The following ARHGAP23 variants were observed in gnomAD, a reference collection of about 807,000 sequenced individuals.
ARHGAP23 encodes rho GTPase-activating protein 23.
A neutral mutation model predicts 136.3 loss-of-function variants in ARHGAP23; 34 were observed. The ratio of observed to expected loss-of-function variants is 0.25; its 90% CI spans 0.19 to 0.33. ARHGAP23 has a LOEUF of 0.33. ARHGAP23 is among the 10% of genes least tolerant of loss of function. The probability of loss-of-function intolerance (pLI) is 1.00; values close to 1 mark genes in which losing one functional copy is unlikely to be tolerated. For synonymous variants in ARHGAP23, 832 were observed against 920.5 expected (o/e 0.90, Z 1.74); for missense variants, 1,808 against 2,139.0 (o/e 0.85, Z 3.05).
Position 38,478,854 on chromosome 17 carries a change from C to G in ARHGAP23, c.2437-582C>G, listed in dbSNP as rs191971607. ...ACCCACACAAAGTCATGTGGGCGTC[C>G]CAGGCCTGGGGTCTCTGCCAAGAGG... On this transcript the variant is annotated intron_variant, in intron 12 of 23. Transcript: ENST00000622683. Among the ~76,000 whole-genome samples the G allele has an allele frequency of 6.2e-4, 95 of 152,292 alleles. 2 individuals carry two copies. In the Middle Eastern group the frequency reaches 0.01, roughly 16 times the overall value.
Position 38,510,093 on chromosome 17 carries a change from G to A in ARHGAP23, c.3597G>A (p.Lys1199=), listed in dbSNP as rs1458364666. 2.3e-5 allele frequency: 29 copies of A among 1,244,164 alleles called. No homozygotes were observed. Among genetic ancestry groups the A allele is most frequent in the Admixed American group, 4.2e-5 (1 of 23,746 alleles). The allele number at this position is 1,244,164 out of a possible 1,614,324, so 77.1% of individuals were successfully genotyped here. The stretch of plus-strand genomic sequence containing the variant: ...ACGACTCGGAGCAGGAGGCGCACAA[G>A]CCTGGGGCGGGGGCCACAGCGCCGG... ...TDDDSEQEAH[K]PGAGATAPGT... is the part of the protein sequence containing the mutation. Residue 1199 remains lysine, a synonymous_variant, in exon 24 of 24, where the codon AAG becomes AAA. Coordinates refer to ENST00000622683, the MANE Select transcript of ARHGAP23 (RefSeq NM_001199417.2). The surrounding 1 kb of genome is among the most constrained non-coding windows in gnomAD (Gnocchi z 4.6).
At chr17:38,503,521 A>G (rs1249394079) in intron 23 of ARHGAP23, among the ~76,000 whole-genome samples, 1 of 151,694 alleles carries the variant, frequency 6.6e-6, no homozygotes, top group Non-Finnish European at 1.5e-5. Flanking sequence ...GCTTCTCCAC[A>G]CTCCCCGGAG....
intron 1 of ARHGAP23, among the ~76,000 whole-genome samples, chr17:38,431,229 T>A (rs1312823100): frequency 6.6e-6 from 1 of 152,240 alleles, no homozygotes; most frequent in African/African-American, 2.4e-5. Context: ...GCTTAGTTGC[T>A]TGTCTTTTGT....
chr17:38,477,536 C>G lies in ARHGAP23; in HGVS notation c.2119-43C>G. 2 of 1,228,616 alleles carry G rather than the reference C, an allele frequency of 1.6e-6. No homozygotes were observed. Among genetic ancestry groups the G allele is most frequent in the South Asian group, 5.3e-5 (2 of 37,786 alleles). The allele number at this position is 1,228,616 out of a possible 1,614,324, so 76.1% of individuals were successfully genotyped here. ...TCTGAGAGCAGTGGGCAAAACTGGC[C>G]TCTCACCATTCCTGTCTCCCCCAAC... On this transcript the variant is annotated intron_variant, in intron 11 of 23. Coordinates refer to ENST00000622683, the MANE Select transcript of ARHGAP23 (RefSeq NM_001199417.2). The surrounding 1 kb of genome is among the most constrained non-coding windows in gnomAD (Gnocchi z 6.6).
chr17:38,490,014 AAC>A, intron 17 of ARHGAP23, 86 bp from the exon 18 acceptor site: 1 of 1,341,114 alleles, frequency 7.5e-7, no homozygotes, highest in Non-Finnish European at 1.0e-6. Context: ...AGGAGTTCAA[AAC>A]ACAGCCCTCC....
At chr17:38,484,348 C>G (rs183514080) in intron 16 of ARHGAP23, among the ~76,000 whole-genome samples, 1 of 152,106 alleles carries the variant, frequency 6.6e-6, no homozygotes, top group African/African-American at 2.4e-5. Context: ...AGGGAGGGGC[C>G]GTCTCAGGGA....
At chr17:38,503,117 G>C (rs2040557267) in intron 23 of ARHGAP23, among the ~76,000 whole-genome samples, 1 of 152,212 alleles carries the variant, frequency 6.6e-6, no homozygotes, top group African/African-American at 2.4e-5. Context: ...AATGATCCAG[G>C]TGAGAGACAG....
intron 16 of ARHGAP23, among the ~76,000 whole-genome samples, chr17:38,483,148 C>A (rs2040085283): frequency 6.6e-6 from 1 of 152,232 alleles, no homozygotes; most frequent in South Asian, 2.1e-4. Flanking sequence ...CCTCCTCCTT[C>A]TCTTCCTAAT....
intron 19 of ARHGAP23, among the ~76,000 whole-genome samples, chr17:38,491,073 T>A (rs1597833254): frequency 1.1e-5 from 1 of 91,754 alleles, no homozygotes; most frequent in Non-Finnish European, 2.6e-5. Flanking sequence ...CACCTGGAAG[T>A]GATCGGATTA....
chr17:38,482,760 T>C, intron 16 of ARHGAP23, 82 bp downstream of exon 16: 1 of 1,382,142 alleles, frequency 7.2e-7, no homozygotes, highest in East Asian at 2.5e-5. Context: ...CTGTGGTCTA[T>C]TGTGTTGCAT....
At chr17:38,464,405 G>A (rs768375324) in intron 6 of ARHGAP23, among the ~76,000 whole-genome samples, 9 of 152,200 alleles carry the variant, frequency 5.9e-5, no homozygotes, top group Non-Finnish European at 7.3e-5. Flanking sequence ...GCCAGATGGC[G>A]GCTTACTTGC....
At chr17:38,509,439 G>C (rs1455801598) in intron 23 of ARHGAP23, among the ~76,000 whole-genome samples, 1 of 152,158 alleles carries the variant, frequency 6.6e-6, no homozygotes, top group African/African-American at 2.4e-5. Context: ...GGAGAGGCCT[G>C]TAGATGCTGG....
chr17:38,497,644 C>T lies in ARHGAP23; in HGVS notation c.3277-141C>T. ...GGGTCCGTCAAGCTCCCTCTGAGCCCTCTTTTGCAGCCCCGCCAGCCTGGG... is the reference window on the plus strand; with the variant it reads ...GGGTCCGTCAAGCTCCCTCTGAGCCTTCTTTTGCAGCCCCGCCAGCCTGGG... On this transcript the variant is annotated intron_variant, in intron 20 of 23. Transcript: ENST00000622683. The T allele has an allele frequency of 7.3e-6, 6 of 816,760 alleles. No homozygotes were observed. In the Admixed American group the frequency reaches 8.5e-5, roughly 12 times the overall value. 50.6% of individuals were successfully genotyped at this position (816,760 alleles called of 1,614,324 possible). A position where few individuals can be genotyped will look rare whatever the true frequency, so the allele number is the denominator to read the frequency against.
intron 23 of ARHGAP23, among the ~76,000 whole-genome samples, chr17:38,505,478 GC>G: frequency 6.6e-6 from 1 of 152,192 alleles, no homozygotes; most frequent in South Asian, 2.1e-4. Flanking sequence ...CCCCGGCCCT[GC>G]CCTATTCAAG....
intron 1 of ARHGAP23, among the ~76,000 whole-genome samples, chr17:38,434,897 G>C (rs1167584257): frequency 6.6e-6 from 1 of 152,214 alleles, no homozygotes; most frequent in Non-Finnish European, 1.5e-5. Flanking sequence ...CTGCTTCTGA[G>C]AGCCCCCGAA....
rs946886378 is a variant in ARHGAP23, at chr17:38,500,124, C to T, written c.3416-473C>T. On this transcript the variant is annotated intron_variant, in intron 22 of 23. Coordinates refer to ENST00000622683, the MANE Select transcript of ARHGAP23 (RefSeq NM_001199417.2). ...TGGTCCCTCTTCTCTGTTGTGTGCT[C>T]GGGGGTGGATGTAGGGCACCCACCT... Among the ~76,000 whole-genome samples, 11 of 152,256 alleles carry T rather than the reference C, an allele frequency of 7.2e-5. No homozygotes were observed. In the East Asian group the frequency reaches 7.7e-4, roughly 11 times the overall value.
At chr17:38,461,778 G>A (rs1225910096) in intron 3 of ARHGAP23, among the ~76,000 whole-genome samples, 2 of 152,078 alleles carry the variant, frequency 1.3e-5, no homozygotes, top group African/African-American at 4.8e-5. Context: ...TGCGGGAGTG[G>A]GCATCCCTGT....
At chr17:38,443,578 C>T (rs2038965303) in intron 1 of ARHGAP23, among the ~76,000 whole-genome samples, 2 of 152,096 alleles carry the variant, frequency 1.3e-5, no homozygotes, top group Non-Finnish European at 2.9e-5. Context: ...GCCACCTGTC[C>T]AGCTGCCTCT....
intron 20 of ARHGAP23, among the ~76,000 whole-genome samples, chr17:38,496,691 T>C (rs577702880): frequency 3.3e-5 from 5 of 152,204 alleles, no homozygotes; most frequent in South Asian, 2.1e-4. Flanking sequence ...ATCTGTGGTA[T>C]GCCTGTAATC....
Sources: allele counts gnomAD v4.1 joint callset (sites outside exome capture counted in the v4.1 genomes callset), GRCh38; gene constraint gnomAD v4.1.1; non-coding constraint Gnocchi (gnomAD v3.1); transcripts MANE v1.5; gene names NCBI Gene and HGNC (gene_info 2026-07-23, HGNC 2026-07-21).